The following AHCYL2 variants were observed in gnomAD, a reference collection of about 807,000 sequenced individuals.
The protein encoded by AHCYL2 is adenosylhomocysteinase like 2.
In AHCYL2, 28 loss-of-function variants were observed where a neutral mutation model predicts 81.4. The observed-to-expected ratio is 0.34, with a 90% CI of 0.25 to 0.47. The LOEUF is 0.47. Among genes scored for constraint, AHCYL2 ranks in the 20% least tolerant of loss-of-function variants. The pLI is 1.00. For synonymous variants in AHCYL2, 272 were observed against 290.2 expected, an observed-to-expected ratio of 0.94 and a Z score of 0.64; for missense variants, 551 against 785.1, an observed-to-expected ratio of 0.70 and a Z score of 3.56.
At chr7:129,284,192 G>T (rs1289886355) in intron 1 of AHCYL2, among the ~76,000 whole-genome samples, 1 of 152,192 alleles carries the variant, frequency 6.6e-6, no homozygotes, top group South Asian at 2.1e-4. Flanking sequence ...GGGGTTGACT[G>T]TGAGCAGAGA....
chr7:129,232,002 A>AGAACCTATATAAAG (rs1248382872), intron 1 of AHCYL2, among the ~76,000 whole-genome samples: 2 of 151,982 alleles, frequency 1.3e-5, no homozygotes, highest in South Asian at 2.1e-4. Flanking sequence ...TTCTTAGCTT[A>AGAACCTATATAAAG]GAACCTATAT....
chr7:129,329,946 G>GT (rs1010900034), intron 1 of AHCYL2, among the ~76,000 whole-genome samples: 3 of 152,128 alleles, frequency 2.0e-5, no homozygotes, highest in Non-Finnish European at 2.9e-5. Context: ...AGAGTATAGG[G>GT]TTTTTTACTT....
chr7:129,349,693 A>G (rs1038296369), intron 1 of AHCYL2, among the ~76,000 whole-genome samples: 1 of 148,438 alleles, frequency 6.7e-6, no homozygotes, highest in Non-Finnish European at 1.5e-5. Flanking sequence ...ACCTGATTCC[A>G]TATAGAACAG....
intron 1 of AHCYL2, among the ~76,000 whole-genome samples, chr7:129,376,222 C>T (rs1425007214): frequency 6.6e-6 from 1 of 152,144 alleles, no homozygotes; most frequent in African/African-American, 2.4e-5. Flanking sequence ...GGGCAGATTA[C>T]AAAACCAATC....
At chr7:129,405,532 C>A (rs770244913) in intron 8 of AHCYL2, 2 of 365,270 alleles carry the variant, frequency 5.5e-6, no homozygotes, top group Non-Finnish European at 9.6e-6. Flanking sequence ...GGAAAAAAAC[C>A]CTTACATATA....
intron 1 of AHCYL2, among the ~76,000 whole-genome samples, chr7:129,345,201 G>A (rs1793319900): frequency 6.6e-6 from 1 of 152,120 alleles, no homozygotes; most frequent in African/African-American, 2.4e-5. Context: ...GTGCATATGA[G>A]GTTTGCCTGG....
chr7:129,274,059 C>G (rs1165965344), intron 1 of AHCYL2, among the ~76,000 whole-genome samples: 5 of 152,136 alleles, frequency 3.3e-5, no homozygotes, highest in Admixed American at 1.3e-4. Context: ...GAGTCATTCT[C>G]AAGGTGTAGG....
intron 1 of AHCYL2, among the ~76,000 whole-genome samples, chr7:129,337,170 C>T (rs1798631528): frequency 6.6e-6 from 1 of 152,062 alleles, no homozygotes; most frequent in Non-Finnish European, 1.5e-5. Flanking sequence ...CCCTACTTGC[C>T]CAGTTTTCCC....
At chr7:129,293,837 T>C (rs951921649) in intron 1 of AHCYL2, among the ~76,000 whole-genome samples, 1 of 152,316 alleles carries the variant, frequency 6.6e-6, no homozygotes, top group South Asian at 2.1e-4. Context: ...AGGAGAGAGA[T>C]GGCTTAGTAT....
At position 129,281,489 on chromosome 7, in the gene AHCYL2, ATT is replaced by A. The variant is rs34422629; in HGVS notation, c.363+56074_363+56075del. 1.2e-4 allele frequency among the ~76,000 whole-genome samples: 9 copies of A among 74,162 alleles called. No individual in the cohort carries two copies. The South Asian group carries it at 1.3e-3, about 11-fold the overall frequency. The allele number at this position is 74,162 out of a possible 152,430, so 48.7% of individuals were successfully genotyped here. A position where few individuals can be genotyped will look rare whatever the true frequency, so the allele number is the denominator to read the frequency against. ...ATTTTATTAGTTCTTCTGTTTCTAG[ATT>A]TTTTTTTTTTTTTTTTTTTTTTTGA... On this transcript the variant is annotated intron_variant, in intron 1 of 16. Coordinates refer to ENST00000325006, the MANE Select transcript of AHCYL2 (RefSeq NM_015328.4).
intron 1 of AHCYL2, among the ~76,000 whole-genome samples, chr7:129,230,328 C>T (rs1055301052): frequency 1.3e-5 from 2 of 151,564 alleles, no homozygotes; most frequent in African/African-American, 2.4e-5. Flanking sequence ...GTGATCCACC[C>T]GCCTCAGCCT....
intron 1 of AHCYL2, among the ~76,000 whole-genome samples, chr7:129,361,421 T>G (rs1390277642): frequency 6.6e-6 from 1 of 152,210 alleles, no homozygotes; most frequent in Non-Finnish European, 1.5e-5. Context: ...ATATACTTAT[T>G]TAATTGCCTC....
At chr7:129,284,724 T>G (rs1796568316) in intron 1 of AHCYL2, among the ~76,000 whole-genome samples, 1 of 152,110 alleles carries the variant, frequency 6.6e-6, no homozygotes, top group South Asian at 2.1e-4. Context: ...TGACTTTCAC[T>G]CCTGCTTTCT....
intron 1 of AHCYL2, among the ~76,000 whole-genome samples, chr7:129,347,209 C>T (rs1248037754): frequency 1.3e-5 from 2 of 150,472 alleles, no homozygotes; most frequent in African/African-American, 5.0e-5. Flanking sequence ...ATGATGGGTA[C>T]ACATCATTAT....
chr7:129,426,542 C>T lies in AHCYL2; in HGVS notation c.1808C>T (p.Pro603Leu). 1 of 1,613,908 alleles carries T rather than the reference C, an allele frequency of 6.2e-7. No individual in the cohort carries two copies. Among genetic ancestry groups the T allele is most frequent in the Non-Finnish European group, 8.5e-7 (1 of 1,179,900 alleles). The change falls in exon 16 of 17, where the codon CCC (proline) becomes CTC (leucine). Residue 603 changes from proline to leucine, a missense_variant. Around this residue, in one of 2 missense-constraint regions of AHCYL2, gnomAD observed 316 missense variants for 543.1 expected, o/e 0.58. Coordinates refer to ENST00000325006, the MANE Select transcript of AHCYL2 (RefSeq NM_015328.4). The surrounding 1 kb of genome is among the most constrained non-coding windows in gnomAD (Gnocchi z 4.3). ...TATCTGGGACTCAACAAGAATGGGC[C>T]CTTCAAGCCTAATTACTACAGGTGC... Reference protein sequence around the residue: ...AKYLGLNKNGPFKPNYYRY With the variant: ...AKYLGLNKNGLFKPNYYRY
At chr7:129,375,765 C>G (rs1794652829) in intron 1 of AHCYL2, 2 of 1,502,408 alleles carry the variant, frequency 1.3e-6, no homozygotes, top group Admixed American at 4.3e-5. Flanking sequence ...GCCCAAAAAG[C>G]TGGCTGGAAC....
At chr7:129,412,776 A>G (rs774635435) in intron 11 of AHCYL2, among the ~76,000 whole-genome samples, 1 of 152,132 alleles carries the variant, frequency 6.6e-6, no homozygotes, top group Non-Finnish European at 1.5e-5. Context: ...GATGATGAGC[A>G]TCTTTTCATG....
In AHCYL2 at chr7:129,324,088, G is replaced by A. The variant is rs538230845; in HGVS notation, c.364-55550G>A. On this transcript the variant is annotated intron_variant, in intron 1 of 16. Coordinates refer to ENST00000325006, the MANE Select transcript of AHCYL2 (RefSeq NM_015328.4). Reference sequence around the variant, plus strand: ...GATTTTGTAGATTTTTGTAGATGTTGGCCAGGATGGTCTTGAACTCCTGAC... The same window carrying A: ...GATTTTGTAGATTTTTGTAGATGTTAGCCAGGATGGTCTTGAACTCCTGAC... 5.2e-4 allele frequency among the ~76,000 whole-genome samples: 79 copies of A among 152,098 alleles called. 1 individual carries two copies. The highest frequency in any genetic ancestry group is 6.8e-3 in the Middle Eastern group (2 of 294).
At chr7:129,336,851 A>G (rs978614197) in intron 1 of AHCYL2, among the ~76,000 whole-genome samples, 4 of 152,156 alleles carry the variant, frequency 2.6e-5, no homozygotes, top group Non-Finnish European at 4.4e-5. Flanking sequence ...AGCTCAAGCA[A>G]TCCTCCCACC....
Sources: gnomAD v4.1 joint callset for allele counts (sites outside exome capture counted in the v4.1 genomes callset) on GRCh38, gnomAD v4.1.1 for gene constraint, gnomAD v4.1.1 regional missense constraint, Gnocchi (gnomAD v3.1) non-coding constraint, MANE v1.5 for transcripts, NCBI Gene and HGNC (gene_info 2026-07-23, HGNC 2026-07-21) for gene names.